The following IPMK variants were observed in gnomAD, a reference collection of about 807,000 sequenced individuals.
IPMK encodes the protein inositol 1,3,4,6-tetrakisphosphate 5-kinase.
In IPMK, 17 loss-of-function variants were observed where a neutral mutation model predicts 45.8. The observed-to-expected ratio is 0.37, with a 90% CI of 0.25 to 0.56. The LOEUF (loss-of-function observed/expected upper bound fraction) is 0.56. IPMK is among the 20% of genes least tolerant of loss of function. The probability of loss-of-function intolerance (pLI) is 0.79; values close to 1 mark genes in which losing one functional copy is unlikely to be tolerated. For synonymous variants in IPMK, 180 were observed against 184.3 expected, an observed-to-expected ratio of 0.98 and a Z score of 0.19; for missense variants, 399 against 498.0, an observed-to-expected ratio of 0.80 and a Z score of 1.89.
At chr10:58,237,158 G>C (rs1333353048) in intron 2 of IPMK, among the ~76,000 whole-genome samples, 3 of 152,178 alleles carry the variant, frequency 2.0e-5, no homozygotes, top group Non-Finnish European at 4.4e-5. Flanking sequence ...AGGCTGACTT[G>C]AATCAACTGC....
chr10:58,209,867 G>C (rs976031883), intron 4 of IPMK, among the ~76,000 whole-genome samples: 1 of 152,192 alleles, frequency 6.6e-6, no homozygotes, highest in African/African-American at 2.4e-5. Context: ...GCCTGAGTTG[G>C]TTGGCCTCCA....
At chr10:58,216,120 A>G in intron 4 of IPMK, 25 bp downstream of exon 4, 6 of 1,435,462 alleles carry the variant, frequency 4.2e-6, no homozygotes, top group Non-Finnish European at 4.7e-6. Flanking sequence ...AGAAATGTGC[A>G]TATTATACTA....
rs758872507 is a variant in IPMK, at chr10:58,267,410, ACCC to A, written c.190+9_190+11del. On this transcript the variant is annotated intron_variant, in intron 1 of 5. Transcript: ENST00000373935. ...GAAGGGGAGCGGCGAGACCTATGCC[ACCC>A]CCACTTACCCACTTTGTCCTTCCCG... The A allele has an allele frequency of 6.2e-7, 1 of 1,612,336 alleles. No individual in the cohort carries two copies. Among genetic ancestry groups the A allele is most frequent in the Non-Finnish European group, 8.5e-7 (1 of 1,178,814 alleles).
intron 4 of IPMK, among the ~76,000 whole-genome samples, chr10:58,209,502 TA>T (rs1052155773): frequency 3.3e-5 from 5 of 152,180 alleles, no homozygotes; most frequent in African/African-American, 1.2e-4. Flanking sequence ...AGCCAGACTG[TA>T]GTGATCGTTA....
intron 2 of IPMK, among the ~76,000 whole-genome samples, chr10:58,234,547 C>G (rs1160364998): frequency 6.6e-6 from 1 of 152,094 alleles, no homozygotes; most frequent in Admixed American, 6.5e-5. Context: ...ACAAACCTGA[C>G]AAAAACAAGC....
In IPMK at chr10:58,199,247, T is replaced by C. The variant is rs748058986; in HGVS notation, c.621A>G (p.Ile207Met). Reference protein sequence around the residue: ...HYGRSLTKETIKDGVSRFFHN... With the variant: ...HYGRSLTKETMKDGVSRFFHN... ...TAGTTTTTTAGTCCTTACCATCCTT[T>C]ATAGTTTCTTTTGTTAAGCTTCTTC... Residue 207 changes from isoleucine (I) to methionine (M), a missense_variant, in exon 5 of 6, where the codon ATA becomes ATG. This residue lies in a region of IPMK where 288 missense variants were observed against 398.0 expected (regional missense o/e 0.72). Transcript: ENST00000373935. The C allele has an allele frequency of 6.3e-7, 1 of 1,599,020 alleles. No homozygotes were observed. Among genetic ancestry groups the C allele is most frequent in the Admixed American group, 1.7e-5 (1 of 59,490 alleles).
chr10:58,229,562 CAAAAA>C (rs574403627), intron 2 of IPMK, among the ~76,000 whole-genome samples: 1 of 73,010 alleles, frequency 1.4e-5, no homozygotes, highest in Non-Finnish European at 2.5e-5. Context: ...GACCACGTCT[CAAAAA>C]AAAAAAAAAA....
chr10:58,230,802 G>A (rs552860819), intron 2 of IPMK, among the ~76,000 whole-genome samples: 1 of 152,302 alleles, frequency 6.6e-6, no homozygotes, highest in African/African-American at 2.4e-5. Flanking sequence ...CCCAGCAATG[G>A]AACAAAGCTG....
intron 4 of IPMK, among the ~76,000 whole-genome samples, chr10:58,205,139 T>C (rs778486737): frequency 6.6e-6 from 1 of 151,968 alleles, no homozygotes; most frequent in African/African-American, 2.4e-5. Context: ...ACAAGAAAAA[T>C]AGGAGTAAAT....
rs925925799 is a variant in IPMK, at chr10:58,267,689, G to A, written c.-78C>T. 2 of 902,742 alleles carry A rather than the reference G, an allele frequency of 2.2e-6. No individual in the cohort carries two copies. The highest frequency in any genetic ancestry group is 3.3e-4 in the Middle Eastern group (1 of 3,050). The allele number at this position is 902,742 out of a possible 1,614,324, so 55.9% of individuals were successfully genotyped here. A position where few individuals can be genotyped will look rare whatever the true frequency, so the allele number is the denominator to read the frequency against. ...AGGGAGGGGGCGCCGGAGAACCCGA[G>A]GGTCGCTCAGGCTCGGGCGCGAGGA... On this transcript the variant is annotated 5_prime_UTR_variant, in exon 1 of 6. Transcript: ENST00000373935.
intron 1 of IPMK, 65 bp downstream of exon 1, chr10:58,267,357 C>T (rs1839163893): frequency 6.5e-7 from 1 of 1,549,954 alleles, no homozygotes; most frequent in East Asian, 2.3e-5. Context: ...GCTAGGCTGC[C>T]TCCGCTGACA....
chr10:58,227,224 A>G (rs1838431629), intron 2 of IPMK, 85 bp from the exon 3 acceptor site: 8 of 1,013,082 alleles, frequency 7.9e-6, no homozygotes, highest in Non-Finnish European at 1.2e-5. Flanking sequence ...TTTATGTTGA[A>G]TTATAATTCA....
At chr10:58,245,302 G>T (rs1838780406) in intron 1 of IPMK, among the ~76,000 whole-genome samples, 1 of 151,900 alleles carries the variant, frequency 6.6e-6, no homozygotes, top group South Asian at 2.1e-4. Context: ...GTTGTTCAGT[G>T]GACATGAGTT....
chr10:58,252,763 C>T (rs1440295773), intron 1 of IPMK, among the ~76,000 whole-genome samples: 2 of 151,908 alleles, frequency 1.3e-5, no homozygotes, highest in Non-Finnish European at 2.9e-5. Context: ...CAGGCACCCA[C>T]CACCCGCCTG....
At chr10:58,235,850 C>T (rs546769617) in intron 2 of IPMK, among the ~76,000 whole-genome samples, 9 of 151,622 alleles carry the variant, frequency 5.9e-5, no homozygotes, top group African/African-American at 2.2e-4. Context: ...AGAGAGACAA[C>T]CAGTAGGCTG....
At chr10:58,208,388 G>C (rs1838103946) in intron 4 of IPMK, among the ~76,000 whole-genome samples, 1 of 151,876 alleles carries the variant, frequency 6.6e-6, no homozygotes, top group Admixed American at 6.6e-5. Context: ...ATCTTTTCGG[G>C]GTGTTATAGA....
intron 3 of IPMK, among the ~76,000 whole-genome samples, chr10:58,219,248 C>G (rs1276208885): frequency 6.6e-6 from 1 of 152,046 alleles, no homozygotes; most frequent in Non-Finnish European, 1.5e-5. Flanking sequence ...TTCTATCTTT[C>G]CCTCTGAGTT....
At chr10:58,252,266 T>A (rs1223096395) in intron 1 of IPMK, among the ~76,000 whole-genome samples, 1 of 152,220 alleles carries the variant, frequency 6.6e-6, no homozygotes, top group Non-Finnish European at 1.5e-5. Context: ...ACTCTATACT[T>A]TAACACCATA....
At position 58,259,671 on chromosome 10, in the gene IPMK, T is replaced by TAAAAAAAAAAAAAAAAAAAAAAAAAA. The variant is rs560813021; in HGVS notation, c.190+7750_190+7751insTTTTTTTTTTTTTTTTTTTTTTTTTT. 2.2e-3 allele frequency among the ~76,000 whole-genome samples: 187 copies of TAAAAAAAAAAAAAAAAAAAAAAAAAA among 86,680 alleles called. 11 individuals carry two copies. Among genetic ancestry groups the TAAAAAAAAAAAAAAAAAAAAAAAAAA allele is most frequent in the Non-Finnish European group, 2.6e-3 (129 of 49,044 alleles). The allele number at this position is 86,680 out of a possible 152,430, so 56.9% of individuals were successfully genotyped here. A position where few individuals can be genotyped will look rare whatever the true frequency, so the allele number is the denominator to read the frequency against. ...AGCATGGTAAAATCCCATCTCTACA[T>TAAAAAAAAAAAAAAAAAAAAAAAAAA]AAAAAAAAAAAAAAAACAATTAGCC... On this transcript the variant is annotated intron_variant, in intron 1 of 5. Coordinates refer to ENST00000373935, the MANE Select transcript of IPMK (RefSeq NM_152230.5).
Sources: allele counts gnomAD v4.1 joint callset (sites outside exome capture counted in the v4.1 genomes callset), GRCh38; gene constraint gnomAD v4.1.1; regional missense constraint gnomAD v4.1.1; transcripts MANE v1.5; gene names NCBI Gene and HGNC (gene_info 2026-07-23, HGNC 2026-07-21).